ANKRD30A: variants seen among roughly 807,000 people sequenced by gnomAD.
ANKRD30A encodes the protein ankyrin repeat domain 30A, also known as ankyrin repeat domain-containing protein 30A.
ANKRD30A carries 170 observed loss-of-function variants against 166.3 expected under a neutral mutation model. The ratio of observed to expected loss-of-function variants is 1.02; its 90% CI spans 0.90 to 1.16. The LOEUF (loss-of-function observed/expected upper bound fraction) is 1.16. Among genes scored for constraint, ANKRD30A ranks in the 50% most tolerant of loss-of-function variants. The pLI is 0.00. For synonymous variants in ANKRD30A, 564 were observed against 508.9 expected (o/e 1.11, Z -1.46); for missense variants, 1,630 against 1,518.0 (o/e 1.07, Z -1.23).
In ANKRD30A at chr10:37,142,127, A is replaced by G. The variant is rs368871754; in HGVS notation, c.1230A>G (p.Ala410=). Residue 410 remains alanine (A), a synonymous_variant, in exon 7 of 36, where the codon GCA becomes GCG. Transcript: ENST00000361713. ...KETSEKFTWA[A]KGRPRKIAWE... ...CATCTGAGAAATTTACGTGGGCAGCAAAAGGAAGACCTAGGAAGATCGCAT... is the reference window on the plus strand; with the variant it reads ...CATCTGAGAAATTTACGTGGGCAGCGAAAGGAAGACCTAGGAAGATCGCAT... 1 of 1,614,040 alleles carries G rather than the reference A, an allele frequency of 6.2e-7. No individual in the cohort carries two copies. Among genetic ancestry groups the G allele is most frequent in the East Asian group, 2.2e-5 (1 of 44,878 alleles).
At chr10:37,251,498 T>G in the ANKRD30A span, among the ~76,000 whole-genome samples, 1 of 152,170 alleles carries the variant, frequency 6.6e-6, no homozygotes, top group Non-Finnish European at 1.5e-5. Flanking sequence ...AAGCTGTCCC[T>G]TAGATGCCTG....
the ANKRD30A span, among the ~76,000 whole-genome samples, chr10:37,259,092 G>A: frequency 6.6e-6 from 1 of 151,790 alleles, no homozygotes; most frequent in East Asian, 1.9e-4. Context: ...CTGCTAAGTT[G>A]GACTACATTA....
intron 31 of ANKRD30A, among the ~76,000 whole-genome samples, chr10:37,211,906 G>A (rs2132721762): frequency 6.6e-6 from 1 of 152,034 alleles, no homozygotes; most frequent in African/African-American, 2.4e-5. Context: ...ATTTTTTCAT[G>A]TGTCTTTTGG....
intron 17 of ANKRD30A, 116 bp downstream of exon 17, chr10:37,162,964 A>C: frequency 7.9e-7 from 1 of 1,267,426 alleles, no homozygotes; most frequent in Non-Finnish European, 1.1e-6. Context: ...TTTGATCTAG[A>C]TAATGCCAAT....
chr10:37,216,394 G>T lies in ANKRD30A; in HGVS notation c.3083G>T (p.Arg1028Ile). 1 of 1,582,810 alleles carries T rather than the reference G, an allele frequency of 6.3e-7. No homozygotes were observed. The highest frequency in any genetic ancestry group is 8.6e-7 in the Non-Finnish European group (1 of 1,167,746). Residue 1028 changes from arginine to isoleucine, a missense_variant and splice_region_variant, in exon 32 of 36, where the codon AGA becomes ATA. Physicochemically the swap from Arg to Ile is moderately conservative, Grantham distance 97. Transcript: ENST00000361713. ...VKWEQELCSVRLTLNQEEEKR... is the reference protein window; with the variant it reads ...VKWEQELCSVILTLNQEEEKR... ...TGGGAACAAGAGCTCTGCAGTGTGA[G>T]GTGTGATTTCCTAGTTTTAAATAAA...
chr10:37,205,269 A>G (rs1841914612), intron 31 of ANKRD30A, among the ~76,000 whole-genome samples: 3 of 152,220 alleles, frequency 2.0e-5, no homozygotes, highest in African/African-American at 7.2e-5. Flanking sequence ...CTCTGCAGCC[A>G]TAAAAAAGGA....
rs751663501 is a variant in ANKRD30A, at chr10:37,141,854, C to A, written c.957C>A (p.Ser319Arg). The stretch of plus-strand genomic sequence containing the variant: ...AAAGAACACCTGACACGGCTGAAAG[C>A]TTGGTGGAAAAAACACCTGATGAGG... ...LVERTPDTAE[S>R]LVEKTPDEAA... is the part of the protein sequence containing the mutation. Residue 319 changes from serine to arginine, a missense_variant, in exon 7 of 36, where the codon AGC becomes AGA. By Grantham distance (110) the Ser-to-Arg change is moderately radical (BLOSUM62 -1). This residue lies in a region of ANKRD30A where 904 missense variants were observed against 818.5 expected (regional missense o/e 1.10). Coordinates refer to ENST00000361713, the MANE Select transcript of ANKRD30A (RefSeq NM_052997.3). The A allele has an allele frequency of 6.2e-7, 1 of 1,613,924 alleles. No individual in the cohort carries two copies. The highest frequency in any genetic ancestry group is 1.7e-5 in the Admixed American group (1 of 59,990).
intron 34 of ANKRD30A, among the ~76,000 whole-genome samples, chr10:37,229,552 G>A (rs1387791410): frequency 1.3e-5 from 2 of 151,770 alleles, no homozygotes; most frequent in Admixed American, 6.6e-5. Context: ...ATAAATTATA[G>A]TTAACTGTAT....
chr10:37,132,166 T>C, intron 3 of ANKRD30A, 74 bp from the exon 4 acceptor site: 1 of 1,020,050 alleles, frequency 9.8e-7, no homozygotes, highest in African/African-American at 1.6e-5. Context: ...GTTCATAAGA[T>C]ATTATATAAG....
chr10:37,202,764 G>T (rs917864199), intron 31 of ANKRD30A, among the ~76,000 whole-genome samples: 1 of 152,000 alleles, frequency 6.6e-6, no homozygotes, highest in African/African-American at 2.4e-5. Flanking sequence ...GAAGAAAAGT[G>T]AGAAGAATCA....
chr10:37,158,630 A>G, intron 15 of ANKRD30A, 44 bp downstream of exon 15: 12 of 1,600,880 alleles, frequency 7.5e-6, no homozygotes, highest in Non-Finnish European at 1.0e-5. Context: ...GGAGAATATT[A>G]AAATATTTGA....
At chr10:37,155,708 A>T (rs959450718) in intron 13 of ANKRD30A, among the ~76,000 whole-genome samples, 6 of 152,182 alleles carry the variant, frequency 3.9e-5, no homozygotes, top group Admixed American at 3.3e-4. Flanking sequence ...AAAATCATAT[A>T]TAAATGGTTG....
rs548512897 is a variant in ANKRD30A, at chr10:37,141,968, AC to A, written c.1073del (p.Pro358LeufsTer39). The A allele has an allele frequency of 9.0e-5, 146 of 1,614,060 alleles. 1 individual carries two copies. In the South Asian group the frequency reaches 1.6e-3, roughly 17 times the overall value. On this transcript the variant is annotated frameshift_variant, in exon 7 of 36. Coordinates refer to ENST00000361713, the MANE Select transcript of ANKRD30A (RefSeq NM_052997.3). LOFTEE classifies it high-confidence loss of function. ...GKFEQSAEETPREITSPAKET... is the reference protein window; with the variant it reads ...GKFEQSAEETXREITSPAKET... ...AGTTCGAACAGTCAGCAGAAGAAAC[AC>A]CTAGGGAAATTACGAGTCCTGCAAA...
Position 37,125,906 on chromosome 10 carries a change from G to A in ANKRD30A, c.119G>A (p.Arg40Lys). 6.3e-7 allele frequency: 1 copy of A among 1,587,450 alleles called. No individual in the cohort carries two copies. Among genetic ancestry groups the A allele is most frequent in the Non-Finnish European group, 8.6e-7 (1 of 1,157,816 alleles). The stretch of plus-strand genomic sequence containing the variant: ...TACATCGTCCACTCTGGGGATCTTA[G>A]AAAGATCCATAAAGCTGCCTCCCGG... ...DSYIVHSGDLRKIHKAASRGQ... is the reference protein window; with the variant it reads ...DSYIVHSGDLKKIHKAASRGQ... The change falls in exon 1 of 36, where the codon AGA (arginine) becomes AAA (lysine). Residue 40 changes from arginine to lysine, a missense_variant. Coordinates refer to ENST00000361713, the MANE Select transcript of ANKRD30A (RefSeq NM_052997.3).
chr10:37,199,921 G>C, intron 30 of ANKRD30A, 133 bp downstream of exon 30: 1 of 513,818 alleles, frequency 1.9e-6, no homozygotes. Flanking sequence ...TTCAGAATAT[G>C]CTTAATAGAG....
chr10:37,145,113 A>G, intron 8 of ANKRD30A, 57 bp downstream of exon 8: 2 of 1,354,754 alleles, frequency 1.5e-6, no homozygotes, highest in Non-Finnish European at 1.0e-6. Context: ...TGATGTGAAA[A>G]TATAAAGTCA....
intron 7 of ANKRD30A, among the ~76,000 whole-genome samples, chr10:37,143,886 G>A (rs995762622): frequency 7.4e-5 from 11 of 148,708 alleles, no homozygotes; most frequent in African/African-American, 2.0e-4. Context: ...ATTTAAAGAC[G>A]AAACTTTTGT....
intron 34 of ANKRD30A, among the ~76,000 whole-genome samples, chr10:37,224,541 A>G (rs1564595235): frequency 6.6e-6 from 1 of 151,074 alleles, no homozygotes; most frequent in Non-Finnish European, 1.5e-5. Flanking sequence ...TGTATGACCT[A>G]AAAAAGAGTA....
Position 37,142,219 on chromosome 10 carries a change from T to C in ANKRD30A, c.1322T>C (p.Val441Ala). The stretch of plus-strand genomic sequence containing the variant: ...AGAGTAACATCTAATAAAACTAAAG[T>C]TTTGGAAAAAGGAAGATCTAAGATG... ...VARVTSNKTK[V>A]LEKGRSKMIA... The change falls in exon 7 of 36, where the codon GTT becomes GCT. Residue 441 changes from valine (V) to alanine (A), a missense_variant. Physicochemically the swap from Val to Ala is moderately conservative, Grantham distance 64 (BLOSUM62 0). Coordinates refer to ENST00000361713, the MANE Select transcript of ANKRD30A (RefSeq NM_052997.3). 1 of 1,607,814 alleles carries C rather than the reference T, an allele frequency of 6.2e-7. No homozygotes were observed. Among genetic ancestry groups the C allele is most frequent in the Non-Finnish European group, 8.5e-7 (1 of 1,178,550 alleles).
Sources: allele counts gnomAD v4.1 joint callset (sites outside exome capture counted in the v4.1 genomes callset), GRCh38; gene constraint gnomAD v4.1.1; regional missense constraint gnomAD v4.1.1; transcripts MANE v1.5; gene names NCBI Gene and HGNC (gene_info 2026-07-23, HGNC 2026-07-21).